PRKCA: variants seen among roughly 807,000 people sequenced by gnomAD.
The protein encoded by PRKCA is protein kinase C alpha type.
A neutral mutation model predicts 87.0 loss-of-function variants in PRKCA; 27 were observed. The observed-to-expected ratio is 0.31, with a 90% CI of 0.23 to 0.43. The LOEUF (loss-of-function observed/expected upper bound fraction) is 0.43. Among genes scored for constraint, PRKCA ranks in the 20% least tolerant of loss-of-function variants. PRKCA has a pLI of 1.00. For synonymous variants in PRKCA, 329 were observed against 311.1 expected, an observed-to-expected ratio of 1.06 and a Z score of -0.61; for missense variants, 518 against 852.3, an observed-to-expected ratio of 0.61 and a Z score of 4.88.
chr17:66,744,699 C>A (rs1025516999), intron 13 of PRKCA, among the ~76,000 whole-genome samples: 4 of 152,130 alleles, frequency 2.6e-5, no homozygotes, highest in Admixed American at 2.0e-4. Context: ...TAACAGATAA[C>A]CACAAACTCA....
At chr17:66,449,306 A>C (rs1914194892) in intron 2 of PRKCA, among the ~76,000 whole-genome samples, 1 of 152,130 alleles carries the variant, frequency 6.6e-6, no homozygotes, top group Non-Finnish European at 1.5e-5. Context: ...AAACAAAACA[A>C]AACAAAAGCA....
chr17:66,465,310 A>G (rs909244541), intron 2 of PRKCA, among the ~76,000 whole-genome samples: 10 of 152,336 alleles, frequency 6.6e-5, no homozygotes, highest in African/African-American at 2.4e-4. Flanking sequence ...AGAAACTGAT[A>G]GCATCGGGTA....
chr17:66,361,698 G>T (rs943043230), intron 2 of PRKCA, among the ~76,000 whole-genome samples: 1 of 152,156 alleles, frequency 6.6e-6, no homozygotes, highest in South Asian at 2.1e-4. Flanking sequence ...TTTCTTGAAG[G>T]TGGTCACTGT....
chr17:66,380,233 T>C (rs1456894975), intron 2 of PRKCA, among the ~76,000 whole-genome samples: 1 of 151,992 alleles, frequency 6.6e-6, no homozygotes, highest in Non-Finnish European at 1.5e-5. Context: ...AAGTGTTGTA[T>C]TCAACCTTAT....
chr17:66,344,314 CTTTATT>C (rs1248476375), intron 2 of PRKCA, among the ~76,000 whole-genome samples: 3 of 152,134 alleles, frequency 2.0e-5, no homozygotes, highest in Admixed American at 6.5e-5. Flanking sequence ...TATTTCTTGG[CTTTATT>C]TTTATGTTTT....
chr17:66,707,426 G>T (rs1027507563), intron 8 of PRKCA, among the ~76,000 whole-genome samples: 1 of 152,160 alleles, frequency 6.6e-6, no homozygotes. Context: ...CCAGAGGAAG[G>T]TGTCTGAGCC....
chr17:66,761,461 C>T (rs1257606403), intron 13 of PRKCA, among the ~76,000 whole-genome samples: 1 of 151,570 alleles, frequency 6.6e-6, no homozygotes, highest in Non-Finnish European at 1.5e-5. Context: ...ATTTATTTGG[C>T]GGTGGTTGTT....
intron 2 of PRKCA, among the ~76,000 whole-genome samples, chr17:66,377,587 A>C (rs1046265708): frequency 6.8e-6 from 1 of 146,736 alleles, no homozygotes; most frequent in Non-Finnish European, 1.5e-5. Flanking sequence ...TATATTACAT[A>C]TATGTCTATA....
chr17:66,582,903 C>G (rs1410649749), intron 3 of PRKCA, among the ~76,000 whole-genome samples: 1 of 152,162 alleles, frequency 6.6e-6, no homozygotes, highest in East Asian at 1.9e-4. Flanking sequence ...CCTAGGAAGT[C>G]AGCAGCACAG....
chr17:66,692,494 A>C (rs1323926225), intron 8 of PRKCA, among the ~76,000 whole-genome samples: 1 of 152,204 alleles, frequency 6.6e-6, no homozygotes, highest in Non-Finnish European at 1.5e-5. Flanking sequence ...AGACTTCCCC[A>C]GTGCCAAGTT....
chr17:66,785,608 A>T (rs1362858135), intron 14 of PRKCA, among the ~76,000 whole-genome samples: 1 of 152,200 alleles, frequency 6.6e-6, no homozygotes. Flanking sequence ...CCGGGAAGTG[A>T]TGGATCCCTC....
intron 2 of PRKCA, among the ~76,000 whole-genome samples, chr17:66,368,691 C>G (rs1250723057): frequency 6.6e-6 from 1 of 152,016 alleles, no homozygotes; most frequent in Non-Finnish European, 1.5e-5. Flanking sequence ...CATGCCTGGT[C>G]TCTTAGCCTG....
intron 3 of PRKCA, among the ~76,000 whole-genome samples, chr17:66,630,531 C>T (rs1249132481): frequency 3.9e-5 from 6 of 152,222 alleles, no homozygotes; most frequent in Non-Finnish European, 7.3e-5. Context: ...TTCAGTTTCA[C>T]CTCTTGCTTT....
intron 14 of PRKCA, chr17:66,775,023 TTCTA>T: frequency 1.0e-6 from 1 of 985,424 alleles, no homozygotes; most frequent in African/African-American, 1.7e-5. Context: ...TATCTGCCAC[TTCTA>T]GGCCTGGCCC....
chr17:66,386,477 T>G (rs76544037), intron 2 of PRKCA, among the ~76,000 whole-genome samples: 2,613 of 152,306 alleles, frequency 0.017, 78 homozygotes, highest in African/African-American at 0.059. Context: ...TTATCTCTCA[T>G]GTCTGCAGGT....
rs543099275 is a variant in PRKCA at position 66,370,482 on chromosome 17, C to G, written c.205+64355C>G. Among the ~76,000 whole-genome samples, 9 of 147,942 alleles carry G rather than the reference C, an allele frequency of 6.1e-5. No homozygotes were observed. The South Asian group carries it at 1.9e-3, about 32-fold the overall frequency. Reference sequence around the variant, plus strand: ...CCAGGTGCAGTATGTGAGGTCAGCACTTTGTATAATTATTTAATCTTCACA... The same window carrying G: ...CCAGGTGCAGTATGTGAGGTCAGCAGTTTGTATAATTATTTAATCTTCACA... On this transcript the variant is annotated intron_variant, in intron 2 of 16. Coordinates refer to ENST00000413366, the MANE Select transcript of PRKCA (RefSeq NM_002737.3).
chr17:66,777,290 A>T, intron 14 of PRKCA: 1 of 985,244 alleles, frequency 1.0e-6, no homozygotes, highest in South Asian at 4.7e-5. Context: ...GTCTTTCATT[A>T]TATTTCCTAA....
chr17:66,404,653 A>AACTT (rs1425302883), intron 2 of PRKCA, among the ~76,000 whole-genome samples: 1 of 149,874 alleles, frequency 6.7e-6, no homozygotes, highest in African/African-American at 2.5e-5. Context: ...GCAAGCACCA[A>AACTT]ACTTGTTATT....
intron 2 of PRKCA, among the ~76,000 whole-genome samples, chr17:66,441,416 G>A (rs547207113): frequency 9.1e-6 from 1 of 109,666 alleles, no homozygotes; most frequent in South Asian, 3.0e-4. Flanking sequence ...AGTGGAGGGA[G>A]ATCGTGGATC....
Sources: gnomAD v4.1 joint callset for allele counts (sites outside exome capture counted in the v4.1 genomes callset) on GRCh38, gnomAD v4.1.1 for gene constraint, MANE v1.5 for transcripts, NCBI Gene and HGNC (gene_info 2026-07-23, HGNC 2026-07-21) for gene names.